Variants in OPCML observed in about 807,000 individuals in gnomAD.
The protein encoded by OPCML is opioid binding protein/cell adhesion molecule like.
A neutral mutation model predicts 37.8 loss-of-function variants in OPCML; 13 were observed. That is an observed-to-expected ratio of 0.34 (90% CI 0.22 to 0.55). OPCML has a LOEUF of 0.55. OPCML is among the 20% of genes least tolerant of loss of function. The probability of loss-of-function intolerance (pLI) is 0.91; values close to 1 mark genes in which losing one functional copy is unlikely to be tolerated. For missense variants in OPCML, 341 were observed against 435.6 expected (o/e 0.78, Z 1.93); for synonymous variants, 176 against 168.8 (o/e 1.04, Z -0.33).
rs370303442 is a variant in OPCML at position 132,538,714 on chromosome 11, CATA to C, written c.380-9531_380-9529del. ...ATTGATAGTTCTTTGAATAATGCTG[CATA>C]ATGTCTGCTTAACTCCCCATTTCTC... is the stretch of plus-strand genomic sequence containing the variant. On this transcript the variant is annotated intron_variant, in intron 3 of 7. Transcript: ENST00000524381. Among the ~76,000 whole-genome samples, 534 of 152,294 alleles carry C rather than the reference CATA, an allele frequency of 3.5e-3. 1 individual carries two copies. Among genetic ancestry groups the C allele is most frequent in the Middle Eastern group, 0.02 (6 of 294 alleles).
At position 133,155,243 on chromosome 11, in the gene OPCML, G is replaced by A. The variant is rs74487258; in HGVS notation, c.62-212233C>T. Among the ~76,000 whole-genome samples, 15 of 152,264 alleles carry A rather than the reference G, an allele frequency of 9.9e-5. No homozygotes were observed. In the East Asian group the frequency reaches 2.5e-3, roughly 25 times the overall value. ...ACCTTTTCTCCTTTGACAGAGAAATGTTATGAAAGAGTGGTCTACATTTGG... is the reference window on the plus strand; with the variant it reads ...ACCTTTTCTCCTTTGACAGAGAAATATTATGAAAGAGTGGTCTACATTTGG... On this transcript the variant is annotated intron_variant, in intron 1 of 7. Transcript: ENST00000524381.
At chr11:133,347,421 G>A (rs752559948) in intron 1 of OPCML, among the ~76,000 whole-genome samples, 1 of 152,164 alleles carries the variant, frequency 6.6e-6, no homozygotes, top group Non-Finnish European at 1.5e-5. Context: ...CAAGCCAGCA[G>A]GACTCCAAAT....
At chr11:132,831,480 A>G (rs1464632010) in intron 2 of OPCML, among the ~76,000 whole-genome samples, 1 of 152,184 alleles carries the variant, frequency 6.6e-6, no homozygotes, top group Non-Finnish European at 1.5e-5. Flanking sequence ...GTCAGTTTGT[A>G]GGTGAATCAG....
intron 1 of OPCML, among the ~76,000 whole-genome samples, chr11:133,478,605 T>G (rs1947297408): frequency 6.6e-6 from 1 of 152,180 alleles, no homozygotes; most frequent in South Asian, 2.1e-4. Flanking sequence ...CTTCCAGAAG[T>G]TACGTAACAC....
intron 2 of OPCML, among the ~76,000 whole-genome samples, chr11:132,910,824 T>G (rs1242709460): frequency 6.6e-6 from 1 of 152,184 alleles, no homozygotes; most frequent in Non-Finnish European, 1.5e-5. Flanking sequence ...CGCAATATAT[T>G]CTATCATCCA....
intron 2 of OPCML, among the ~76,000 whole-genome samples, chr11:132,910,118 G>A (rs1376242536): frequency 6.6e-6 from 1 of 152,170 alleles, no homozygotes; most frequent in African/African-American, 2.4e-5. Context: ...GGTACAGAAG[G>A]CACTCCTCCT....
At chr11:133,001,416 A>T (rs1329877101) in intron 1 of OPCML, among the ~76,000 whole-genome samples, 1 of 152,218 alleles carries the variant, frequency 6.6e-6, no homozygotes, top group Admixed American at 6.5e-5. Flanking sequence ...TCAGCAAATG[A>T]TAAAGAAGAA....
intron 1 of OPCML, among the ~76,000 whole-genome samples, chr11:132,970,364 A>T (rs888999660): frequency 1.3e-5 from 2 of 152,214 alleles, no homozygotes; most frequent in African/African-American, 2.4e-5. Flanking sequence ...AATCATACAA[A>T]TAAAAATGCA....
chr11:132,469,938 TGTGA>T (rs749061905), intron 4 of OPCML, among the ~76,000 whole-genome samples: 25 of 148,620 alleles, frequency 1.7e-4, no homozygotes, highest in Non-Finnish European at 3.0e-4. Flanking sequence ...GGGGGGAGTG[TGTGA>T]GTGTGTGTGT....
intron 1 of OPCML, among the ~76,000 whole-genome samples, chr11:133,308,605 C>G (rs1942990649): frequency 1.3e-5 from 2 of 152,098 alleles, no homozygotes; most frequent in South Asian, 4.1e-4. Context: ...CCGTACATTT[C>G]CCAGCCCCAT....
chr11:132,620,500 C>T (rs1473040989), intron 3 of OPCML, among the ~76,000 whole-genome samples: 1 of 152,080 alleles, frequency 6.6e-6, no homozygotes, highest in Non-Finnish European at 1.5e-5. Flanking sequence ...AATCACATGG[C>T]AGAGAGATGG....
intron 1 of OPCML, among the ~76,000 whole-genome samples, chr11:133,337,696 A>G (rs1397656020): frequency 6.6e-6 from 1 of 152,200 alleles, no homozygotes; most frequent in East Asian, 1.9e-4. Flanking sequence ...ACTTCCATGT[A>G]AAAATGGCCT....
chr11:133,419,307 A>T, intron 1 of OPCML: 1 of 985,412 alleles, frequency 1.0e-6, no homozygotes, highest in Non-Finnish European at 1.2e-6. Flanking sequence ...GTCTGGTGTA[A>T]ACTGGAAAAT....
At chr11:133,432,601 A>G (rs1272180192) in intron 1 of OPCML, among the ~76,000 whole-genome samples, 1 of 152,158 alleles carries the variant, frequency 6.6e-6, no homozygotes, top group Non-Finnish European at 1.5e-5. Context: ...TTTGTGTTAA[A>G]TCTGGAAAAT....
chr11:133,329,844 T>G (rs917543621), intron 1 of OPCML, among the ~76,000 whole-genome samples: 1 of 152,184 alleles, frequency 6.6e-6, no homozygotes, highest in Non-Finnish European at 1.5e-5. Flanking sequence ...AAATGAGATC[T>G]AATTAAACTA....
chr11:133,294,709 G>A (rs374141275), intron 1 of OPCML, among the ~76,000 whole-genome samples: 2 of 151,188 alleles, frequency 1.3e-5, no homozygotes, highest in African/African-American at 4.9e-5. Flanking sequence ...TGAGGTCTGC[G>A]GGATGCCACA....
rs111450997 is a variant in OPCML, at chr11:133,233,551, C to A, written c.62-290541G>T. On this transcript the variant is annotated intron_variant, in intron 1 of 7. Coordinates refer to ENST00000524381, the MANE Select transcript of OPCML (RefSeq NM_001012393.5). ...TTTGAAACAACCCAACTAAAACACC[C>A]CTTAGTGCTCATTAGTTTATCCATA... 3.9e-5 allele frequency among the ~76,000 whole-genome samples: 6 copies of A among 152,306 alleles called. 1 individual carries two copies. The highest frequency in any genetic ancestry group is 1.2e-4 in the African/African-American group (5 of 41,572).
intron 1 of OPCML, among the ~76,000 whole-genome samples, chr11:133,379,101 G>A (rs549930782): frequency 1.3e-5 from 2 of 152,116 alleles, no homozygotes; most frequent in East Asian, 3.9e-4. Flanking sequence ...CACCATTTAA[G>A]TCTTTGAAAA....
intron 1 of OPCML, among the ~76,000 whole-genome samples, chr11:133,398,603 CT>C (rs548094474): frequency 9.2e-5 from 13 of 141,616 alleles, no homozygotes; most frequent in African/African-American, 3.2e-4. Context: ...CTACAAATAT[CT>C]TTTTTTAAAA....
Sources: allele counts gnomAD v4.1 joint callset (sites outside exome capture counted in the v4.1 genomes callset), GRCh38; gene constraint gnomAD v4.1.1; transcripts MANE v1.5; gene names NCBI Gene and HGNC (gene_info 2026-07-23, HGNC 2026-07-21).